Variants in WDR72 observed in about 807,000 individuals in gnomAD.
WDR72 encodes the protein WD repeat domain 72.
In WDR72, 120 loss-of-function variants were observed where a neutral mutation model predicts 124.2. That is an observed-to-expected ratio of 0.97 (90% CI 0.83 to 1.12). WDR72 has a LOEUF of 1.12. Ranked by LOEUF, WDR72 falls within the 50% of genes most tolerant of loss-of-function variation. The pLI is 0.00. For missense variants in WDR72, 1,387 were observed against 1,278.8 expected, an observed-to-expected ratio of 1.08 and a Z score of -1.29; for synonymous variants, 452 against 441.7, an observed-to-expected ratio of 1.02 and a Z score of -0.29.
At chr15:53,634,755 C>T (rs1463062260) in intron 14 of WDR72, among the ~76,000 whole-genome samples, 1 of 152,204 alleles carries the variant, frequency 6.6e-6, no homozygotes, top group African/African-American at 2.4e-5. Flanking sequence ...AGCTCAACCT[C>T]TTGTCTCACC....
In WDR72 at chr15:53,699,804, A is replaced by T. The variant is rs746716378; in HGVS notation, c.1711T>A (p.Phe571Ile). 1.9e-6 allele frequency: 3 copies of T among 1,614,060 alleles called. No individual in the cohort carries two copies. Among genetic ancestry groups the T allele is most frequent in the Admixed American group, 1.7e-5 (1 of 60,010 alleles). Residue 571 changes from phenylalanine to isoleucine, a missense_variant, in exon 13 of 20, where the codon TTT (phenylalanine) becomes ATT (isoleucine). Transcript: ENST00000360509. ...RMIKWHPVEN[F>I]LIVGCADDSV... ...TCATCTGCACATCCAACAATTAAAA[A>T]ATTCTCAACCGGGTGCCATTTTATC...
At chr15:53,520,076 A>G (rs913225661) in intron 19 of WDR72, among the ~76,000 whole-genome samples, 1 of 152,060 alleles carries the variant, frequency 6.6e-6, no homozygotes, top group Non-Finnish European at 1.5e-5. Flanking sequence ...CTGTGCTTCA[A>G]TGTCCCTTTT....
chr15:53,677,794 A>C (rs1456539228), intron 13 of WDR72, among the ~76,000 whole-genome samples: 1 of 152,202 alleles, frequency 6.6e-6, no homozygotes, highest in Admixed American at 6.5e-5. Context: ...TGTAAGAGAT[A>C]AAATATTGTT....
intron 18 of WDR72, among the ~76,000 whole-genome samples, chr15:53,547,883 T>A (rs1893549636): frequency 6.6e-6 from 1 of 151,980 alleles, no homozygotes; most frequent in South Asian, 2.1e-4. Context: ...TCTGCAGGAA[T>A]GCACAAAAGA....
chr15:53,631,866 T>A (rs1047888392), intron 14 of WDR72, among the ~76,000 whole-genome samples: 1 of 152,298 alleles, frequency 6.6e-6, no homozygotes, highest in Non-Finnish European at 1.5e-5. Flanking sequence ...TCTAAAAGCC[T>A]ATCTCATATG....
chr15:53,707,152 G>A (rs1465959221), intron 9 of WDR72, among the ~76,000 whole-genome samples: 1 of 152,148 alleles, frequency 6.6e-6, no homozygotes, highest in Non-Finnish European at 1.5e-5. Flanking sequence ...AAGAAGTTCA[G>A]GAAAGTGATG....
intron 14 of WDR72, among the ~76,000 whole-genome samples, chr15:53,630,079 T>C (rs2014364902): frequency 1.6e-5 from 2 of 127,834 alleles, no homozygotes; most frequent in South Asian, 2.3e-4. Flanking sequence ...AGAGAAATAC[T>C]ATGAATCTGC....
At chr15:53,720,029 T>A (rs1283129389) in intron 3 of WDR72, among the ~76,000 whole-genome samples, 2 of 152,170 alleles carry the variant, frequency 1.3e-5, no homozygotes, top group African/African-American at 2.4e-5. Context: ...AGTATACATA[T>A]GATAATATGT....
At chr15:53,618,547 A>C (rs567665166) in intron 14 of WDR72, among the ~76,000 whole-genome samples, 2 of 152,050 alleles carry the variant, frequency 1.3e-5, no homozygotes, top group African/African-American at 4.8e-5. Context: ...TTTTTCTCAA[A>C]AGGTAGTCTT....
chr15:53,654,305 A>G (rs974165761), intron 14 of WDR72, among the ~76,000 whole-genome samples: 1 of 152,190 alleles, frequency 6.6e-6, no homozygotes, highest in Non-Finnish European at 1.5e-5. Flanking sequence ...TAGTCCCATT[A>G]TACTTCATGA....
chr15:53,678,809 T>C (rs891167049), intron 13 of WDR72, among the ~76,000 whole-genome samples: 3 of 152,156 alleles, frequency 2.0e-5, no homozygotes, highest in African/African-American at 4.8e-5. Context: ...TCTGGGTATA[T>C]ACCAAAATTG....
In WDR72 at chr15:53,699,846, G is replaced by C. The variant is rs760888510; in HGVS notation, c.1669C>G (p.Leu557Val). The C allele has an allele frequency of 5.6e-6, 9 of 1,614,088 alleles. No homozygotes were observed. Among genetic ancestry groups the C allele is most frequent in the African/African-American group, 1.3e-5 (1 of 75,012 alleles). The change falls in exon 13 of 20, where the codon CTT becomes GTT. Residue 557 changes from leucine (L) to valine (V), a missense_variant. By Grantham distance (32) the Leu-to-Val change is conservative. Coordinates refer to ENST00000360509, the MANE Select transcript of WDR72 (RefSeq NM_182758.4). The part of the protein sequence containing the change: ...KSCLLHARKH[L>V]FPVRMIKWHP... Reference sequence around the variant, plus strand: ...CATTTTATCATCCTCACAGGAAAAAGGTGCTTCCGGGCATGCAGGAGGCAA... The same window carrying C: ...CATTTTATCATCCTCACAGGAAAAACGTGCTTCCGGGCATGCAGGAGGCAA...
At chr15:53,529,165 T>TATATATATATATATATATA (rs1555404361) in intron 18 of WDR72, among the ~76,000 whole-genome samples, 6 of 89,096 alleles carry the variant, frequency 6.7e-5, no homozygotes, top group Admixed American at 2.2e-4. Context: ...TATATATATA[T>TATATATATATATATATATA]TTTTTTTTTT....
At chr15:53,683,365 G>A (rs1567024634) in intron 13 of WDR72, among the ~76,000 whole-genome samples, 1 of 152,082 alleles carries the variant, frequency 6.6e-6, no homozygotes. Context: ...ACATAGAAAT[G>A]ATAAATACTC....
At chr15:53,521,904 T>C (rs1891820001) in intron 19 of WDR72, among the ~76,000 whole-genome samples, 1 of 152,070 alleles carries the variant, frequency 6.6e-6, no homozygotes. Context: ...TTATTTACCC[T>C]CTCCCTTTTA....
chr15:53,578,547 G>A (rs558024210), intron 18 of WDR72, among the ~76,000 whole-genome samples: 4 of 152,156 alleles, frequency 2.6e-5, no homozygotes, highest in South Asian at 2.1e-4. Flanking sequence ...GGCAGTAATC[G>A]GTCCTTTGGA....
chr15:53,723,007 T>C, intron 2 of WDR72, 99 bp from the exon 3 acceptor site: 1 of 1,160,426 alleles, frequency 8.6e-7, no homozygotes. Context: ...GAAATTCTGT[T>C]GTTTTTGTTG....
chr15:53,688,552 G>A (rs549011795), intron 13 of WDR72, among the ~76,000 whole-genome samples: 1 of 151,986 alleles, frequency 6.6e-6, no homozygotes, highest in South Asian at 2.1e-4. Flanking sequence ...CACTGCTCGA[G>A]GAAATAAAAG....
intron 2 of WDR72, among the ~76,000 whole-genome samples, chr15:53,729,108 C>T (rs1428784133): frequency 6.6e-6 from 1 of 152,122 alleles, no homozygotes; most frequent in Non-Finnish European, 1.5e-5. Context: ...CATCCAGCTC[C>T]CAAACCCTAA....
Sources: gnomAD v4.1 joint callset for allele counts (sites outside exome capture counted in the v4.1 genomes callset) on GRCh38, gnomAD v4.1.1 for gene constraint, MANE v1.5 for transcripts, NCBI Gene and HGNC (gene_info 2026-07-23, HGNC 2026-07-21) for gene names.